RBMS3: variants seen among roughly 807,000 people sequenced by gnomAD.
RBMS3 encodes the protein RNA-binding motif, single-stranded-interacting protein 3.
A neutral mutation model predicts 66.8 loss-of-function variants in RBMS3; 27 were observed. That is an observed-to-expected ratio of 0.40 (90% CI 0.30 to 0.56). The LOEUF is 0.56. Ranked by LOEUF, RBMS3 falls within the 20% of genes least tolerant of loss-of-function variation. The pLI is 0.40. For synonymous variants in RBMS3, 188 were observed against 183.0 expected (o/e 1.03, Z -0.22); for missense variants, 513 against 549.5 (o/e 0.93, Z 0.66).
intron 3 of RBMS3, among the ~76,000 whole-genome samples, chr3:29,572,209 A>G (rs1192625349): frequency 1.3e-5 from 2 of 152,020 alleles, no homozygotes; most frequent in Non-Finnish European, 1.5e-5. Context: ...ATGAGATCGT[A>G]TCATCTGCAA....
rs143580160 is a variant in RBMS3, at chr3:29,561,693, C to T, written c.308-25421C>T. Among the ~76,000 whole-genome samples, 997 of 152,190 alleles carry T rather than the reference C, an allele frequency of 6.6e-3. 2 individuals are homozygous for T. Among genetic ancestry groups the T allele is most frequent in the Middle Eastern group, 0.041 (12 of 294 alleles). ...GTCTCAAACTCCTGACCTTGTGATC[C>T]GCCCGCCTCGGCCTCCCAAAGTGCT... is the stretch of plus-strand genomic sequence containing the variant. On this transcript the variant is annotated intron_variant, in intron 3 of 14. Coordinates refer to ENST00000383767, the MANE Select transcript of RBMS3 (RefSeq NM_001003793.3).
chr3:29,801,607 T>A (rs1172426195), intron 6 of RBMS3, among the ~76,000 whole-genome samples: 2 of 152,112 alleles, frequency 1.3e-5, no homozygotes, highest in Non-Finnish European at 2.9e-5. Flanking sequence ...AGAAGGAAAA[T>A]CCAAATATTT....
intron 12 of RBMS3, among the ~76,000 whole-genome samples, chr3:29,957,225 C>A (rs943722444): frequency 6.6e-6 from 1 of 152,050 alleles, no homozygotes; most frequent in Non-Finnish European, 1.5e-5. Flanking sequence ...TCATTTCTCC[C>A]CTCTAGAGTA....
At chr3:29,824,794 A>T (rs1040699726) in intron 6 of RBMS3, among the ~76,000 whole-genome samples, 3 of 152,220 alleles carry the variant, frequency 2.0e-5, no homozygotes, top group African/African-American at 7.2e-5. Context: ...CACTAATTTA[A>T]AAAAGGTAAT....
intron 4 of RBMS3, among the ~76,000 whole-genome samples, chr3:29,672,358 C>G (rs1455238390): frequency 6.6e-6 from 1 of 152,154 alleles, no homozygotes; most frequent in African/African-American, 2.4e-5. Flanking sequence ...ACCATCAATG[C>G]TAGGAAGAAA....
chr3:29,489,075 T>A (rs150405690), intron 3 of RBMS3, among the ~76,000 whole-genome samples: 123 of 152,326 alleles, frequency 8.1e-4, no homozygotes, highest in Non-Finnish European at 1.4e-3. Flanking sequence ...GAGTCCTATA[T>A]TCTTTTAAAA....
At chr3:29,410,791 G>A (rs2040233810) in intron 1 of RBMS3, among the ~76,000 whole-genome samples, 1 of 152,168 alleles carries the variant, frequency 6.6e-6, no homozygotes, top group Non-Finnish European at 1.5e-5. Flanking sequence ...AGCTGTGTGT[G>A]TGGTCTGGTG....
chr3:29,724,222 C>T (rs950018128), intron 4 of RBMS3, among the ~76,000 whole-genome samples: 2 of 152,096 alleles, frequency 1.3e-5, no homozygotes, highest in South Asian at 2.1e-4. Context: ...TAAGTTTACA[C>T]TTATGAGGAA....
chr3:29,683,162 G>C (rs529800512), intron 4 of RBMS3, among the ~76,000 whole-genome samples: 1 of 152,108 alleles, frequency 6.6e-6, no homozygotes, highest in African/African-American at 2.4e-5. Flanking sequence ...AAGACCATTT[G>C]TTTGGTTCCT....
At chr3:29,310,227 T>C (rs575234836) in intron 1 of RBMS3, among the ~76,000 whole-genome samples, 1 of 151,758 alleles carries the variant, frequency 6.6e-6, no homozygotes, top group East Asian at 2.0e-4. Flanking sequence ...AAATTTTGTA[T>C]TGGGATGGAG....
intron 8 of RBMS3, among the ~76,000 whole-genome samples, chr3:29,884,467 T>TCTCTCC (rs2059817745): frequency 1.3e-5 from 1 of 74,790 alleles, no homozygotes; most frequent in East Asian, 2.6e-4. Flanking sequence ...TCTCTCTCTC[T>TCTCTCC]CTCCCCCCCC....
intron 7 of RBMS3, among the ~76,000 whole-genome samples, chr3:29,872,322 T>C (rs188187616): frequency 2.8e-3 from 420 of 152,276 alleles, no homozygotes; most frequent in African/African-American, 9.4e-3. Context: ...AGTGGTGGAC[T>C]TTTCTATTTT....
At chr3:29,484,452 A>G (rs1453062534) in intron 2 of RBMS3, among the ~76,000 whole-genome samples, 2 of 152,138 alleles carry the variant, frequency 1.3e-5, no homozygotes, top group Admixed American at 6.6e-5. Flanking sequence ...TAAGGACAAC[A>G]ATCATATTGG....
chr3:29,307,602 G>A (rs866847954), intron 1 of RBMS3, among the ~76,000 whole-genome samples: 14 of 151,904 alleles, frequency 9.2e-5, no homozygotes, highest in African/African-American at 3.1e-4. Context: ...CAAGGTGAAA[G>A]CCTGAGAAGA....
chr3:29,649,285 T>A (rs761435304), intron 4 of RBMS3, among the ~76,000 whole-genome samples: 1 of 152,196 alleles, frequency 6.6e-6, no homozygotes, highest in Non-Finnish European at 1.5e-5. Context: ...CCCTTAAGAA[T>A]CCATGGAATC....
In RBMS3 at chr3:29,888,793, A is replaced by T. The variant is rs556089696; in HGVS notation, c.791+4585A>T. ...TAGGTTATGATCTCCACTCCTCAGGACTCTTTCTTATCCTACATTCTTCAC... is the reference window on the plus strand; with the variant it reads ...TAGGTTATGATCTCCACTCCTCAGGTCTCTTTCTTATCCTACATTCTTCAC... On this transcript the variant is annotated intron_variant, in intron 8 of 14. Transcript: ENST00000383767. 8.1e-4 allele frequency among the ~76,000 whole-genome samples: 123 copies of T among 151,504 alleles called. 1 individual carries two copies. The highest frequency in any genetic ancestry group is 1.6e-3 in the Non-Finnish European group (105 of 67,696).
intron 4 of RBMS3, among the ~76,000 whole-genome samples, chr3:29,700,976 T>C (rs562479758): frequency 2.0e-5 from 3 of 152,272 alleles, no homozygotes; most frequent in African/African-American, 7.2e-5. Flanking sequence ...AAGGGCTTTG[T>C]TAGGCTAGCT....
intron 6 of RBMS3, among the ~76,000 whole-genome samples, chr3:29,857,278 A>C (rs1345315005): frequency 6.6e-6 from 1 of 152,112 alleles, no homozygotes; most frequent in East Asian, 1.9e-4. Flanking sequence ...AAGGGTGCGT[A>C]TGTATTTGCT....
At chr3:29,471,904 G>A (rs1463993078) in intron 2 of RBMS3, among the ~76,000 whole-genome samples, 1 of 151,470 alleles carries the variant, frequency 6.6e-6, no homozygotes, top group Non-Finnish European at 1.5e-5. Flanking sequence ...AAAGATTTTA[G>A]GAACTTTAAA....
Sources: gnomAD v4.1 joint callset for allele counts (sites outside exome capture counted in the v4.1 genomes callset) on GRCh38, gnomAD v4.1.1 for gene constraint, MANE v1.5 for transcripts, NCBI Gene and HGNC (gene_info 2026-07-23, HGNC 2026-07-21) for gene names.